FGF14: variants seen among roughly 807,000 people sequenced by gnomAD.
FGF14 encodes the protein fibroblast growth factor 14.
FGF14 carries 5 observed loss-of-function variants against 25.5 expected under a neutral mutation model. The ratio of observed to expected loss-of-function variants is 0.20; its 90% CI spans 0.10 to 0.41. The LOEUF (loss-of-function observed/expected upper bound fraction) is 0.41, where lower values mean the gene tolerates loss of function less well. FGF14 is among the 10% of genes least tolerant of loss of function. FGF14 has a pLI of 1.00. For missense variants in FGF14, 222 were observed against 320.1 expected (o/e 0.69, Z 2.34); for synonymous variants, 138 against 118.3 (o/e 1.17, Z -1.08).
intron 1 of FGF14, among the ~76,000 whole-genome samples, chr13:101,888,981 T>C (rs1285586091): frequency 3.9e-5 from 6 of 152,134 alleles, no homozygotes; most frequent in Admixed American, 6.6e-5. Context: ...CTTAGTCCAA[T>C]AGGTCTGGTA....
At chr13:101,952,851 T>C (rs61965228) in intron 1 of FGF14, among the ~76,000 whole-genome samples, 4,527 of 152,204 alleles carry the variant, frequency 0.03, 98 homozygotes, top group Middle Eastern at 0.048. Context: ...ACCAACATGG[T>C]GAAACTCCGT....
intron 1 of FGF14, among the ~76,000 whole-genome samples, chr13:101,945,342 A>G (rs993975239): frequency 1.3e-5 from 2 of 152,254 alleles, no homozygotes; most frequent in Non-Finnish European, 2.9e-5. Flanking sequence ...TTACAATATT[A>G]AATTATGCAT....
rs543825852 is a variant in FGF14 at position 101,899,375 on chromosome 13, T to C, written c.193+17078A>G. On this transcript the variant is annotated intron_variant, in intron 1 of 4. Coordinates refer to ENST00000376143, the MANE Select transcript of FGF14 (RefSeq NM_004115.4). ...GACACAGATTTTAAAATAACTATAATTAATATATTTAAGAAAATCAAGTAA... is the reference window on the plus strand; with the variant it reads ...GACACAGATTTTAAAATAACTATAACTAATATATTTAAGAAAATCAAGTAA... Among the ~76,000 whole-genome samples the C allele has an allele frequency of 3.9e-5, 6 of 151,954 alleles. No homozygotes were observed. In the South Asian group the frequency reaches 1.2e-3, roughly 32 times the overall value.
intron 1 of FGF14, among the ~76,000 whole-genome samples, chr13:102,008,258 T>C (rs1168299689): frequency 1.3e-5 from 2 of 152,202 alleles, no homozygotes; most frequent in Non-Finnish European, 2.9e-5. Flanking sequence ...GGAATGATCT[T>C]CTGAATATCT....
At chr13:102,211,445 T>TA (rs1212691727) in intron 1 of FGF14, among the ~76,000 whole-genome samples, 1 of 152,080 alleles carries the variant, frequency 6.6e-6, no homozygotes. Context: ...ATCACTTTAC[T>TA]ACTTTCAAAG....
At chr13:102,103,592 T>C (rs942498909) in intron 1 of FGF14, among the ~76,000 whole-genome samples, 3 of 152,052 alleles carry the variant, frequency 2.0e-5, no homozygotes, top group African/African-American at 7.2e-5. Context: ...CCAGCAAAAA[T>C]GAAGCAACAT....
At chr13:102,109,450 G>A (rs1268243983) in intron 1 of FGF14, among the ~76,000 whole-genome samples, 1 of 152,024 alleles carries the variant, frequency 6.6e-6, no homozygotes, top group African/African-American at 2.4e-5. Flanking sequence ...GTGAGTTAAT[G>A]CACATGTAAT....
chr13:101,810,260 T>C (rs9585784), intron 3 of FGF14, among the ~76,000 whole-genome samples: 3,528 of 152,356 alleles, frequency 0.023, 134 homozygotes, highest in African/African-American at 0.081. Flanking sequence ...CTCAGCATTC[T>C]GGTTTTTATT....
chr13:102,353,107 A>G (rs1290980170), intron 1 of FGF14, among the ~76,000 whole-genome samples: 1 of 152,202 alleles, frequency 6.6e-6, no homozygotes, highest in East Asian at 1.9e-4. Context: ...GAAAACCATT[A>G]TATCTAAAAA....
chr13:102,130,162 C>A (rs1372138950), intron 1 of FGF14, among the ~76,000 whole-genome samples: 2 of 152,150 alleles, frequency 1.3e-5, no homozygotes, highest in South Asian at 2.1e-4. Context: ...AAATGGTTAG[C>A]CATTCAGGAA....
chr13:101,995,953 G>A (rs532497005), intron 1 of FGF14, among the ~76,000 whole-genome samples: 2 of 152,228 alleles, frequency 1.3e-5, no homozygotes, highest in East Asian at 3.9e-4. Flanking sequence ...ACAACAGGGT[G>A]ATATAGTCAA....
chr13:102,012,063 TA>T (rs941873086), intron 1 of FGF14, among the ~76,000 whole-genome samples: 1 of 152,138 alleles, frequency 6.6e-6, no homozygotes, highest in African/African-American at 2.4e-5. Flanking sequence ...AGGAGTAAAA[TA>T]TCACTGTCTT....
rs189619575 is a variant in FGF14 at position 102,133,341 on chromosome 13, T to C, written c.209-258045A>G. 3.2e-3 allele frequency among the ~76,000 whole-genome samples: 480 copies of C among 152,316 alleles called. 5 individuals are homozygous for C. The highest frequency in any genetic ancestry group is 0.014 in the South Asian group (68 of 4,828). ...CATAAAAGGTGTATATGAATGGCTG[T>C]TTACATTTTAAGGAATAAAAGAAAA... is the stretch of plus-strand genomic sequence containing the variant. On this transcript the variant is annotated intron_variant, in intron 1 of 4. Coordinates refer to the FGF14 transcript ENST00000376131.
chr13:102,360,868 C>T (rs909123298), intron 1 of FGF14, among the ~76,000 whole-genome samples: 1 of 151,972 alleles, frequency 6.6e-6, no homozygotes, highest in Non-Finnish European at 1.5e-5. Context: ...CATACTTGTG[C>T]GTGCACACAC....
At chr13:101,931,075 CCTT>C (rs2034719839) in intron 1 of FGF14, among the ~76,000 whole-genome samples, 1 of 152,184 alleles carries the variant, frequency 6.6e-6, no homozygotes, top group South Asian at 2.1e-4. Flanking sequence ...AAATATTTAT[CCTT>C]CTTCCATATG....
intron 1 of FGF14, among the ~76,000 whole-genome samples, chr13:102,183,164 TA>T (rs1476308537): frequency 1.3e-5 from 2 of 151,992 alleles, no homozygotes; most frequent in Non-Finnish European, 2.9e-5. Context: ...AAATTAAAAA[TA>T]AAAAATAGAA....
At chr13:102,219,718 T>C (rs2050526598) in intron 1 of FGF14, among the ~76,000 whole-genome samples, 2 of 152,324 alleles carry the variant, frequency 1.3e-5, no homozygotes, top group South Asian at 4.1e-4. Flanking sequence ...TTCTGAATTC[T>C]ATTAAATGAT....
At chr13:102,106,843 A>G (rs2044949322) in intron 1 of FGF14, among the ~76,000 whole-genome samples, 1 of 152,228 alleles carries the variant, frequency 6.6e-6, no homozygotes, top group Non-Finnish European at 1.5e-5. Context: ...TTTATAAATA[A>G]AAGTTAACTG....
chr13:102,370,343 T>A (rs1371897501), intron 1 of FGF14, among the ~76,000 whole-genome samples: 4 of 152,178 alleles, frequency 2.6e-5, no homozygotes, highest in Non-Finnish European at 1.5e-5. Flanking sequence ...TATACATTAT[T>A]ATATTTTTAT....
Sources: allele counts gnomAD v4.1 joint callset (sites outside exome capture counted in the v4.1 genomes callset), GRCh38; gene constraint gnomAD v4.1.1; transcripts MANE v1.5; gene names NCBI Gene and HGNC (gene_info 2026-07-23, HGNC 2026-07-21).